Variants in SHISAL2A observed in about 807,000 individuals in gnomAD.
SHISAL2A encodes protein shisa-like-2A.
Under a neutral mutation model 11.5 loss-of-function variants are expected in SHISAL2A, and 18 were observed. That is an observed-to-expected ratio of 1.57 (90% CI 1.08 to 2.33). SHISAL2A has a LOEUF of 2.33. Ranked by LOEUF, SHISAL2A falls within the 30% of genes most tolerant of loss-of-function variation. The pLI is 0.00. For missense variants in SHISAL2A, 261 were observed against 250.9 expected (o/e 1.04, Z -0.27); for synonymous variants, 94 against 99.6 (o/e 0.94, Z 0.34).
In SHISAL2A at chr1:52,656,848, G is replaced by C. The variant is rs1405711016; in HGVS notation, c.381G>C (p.Val127=). Residue 127 remains valine, a synonymous_variant, in exon 3 of 3, where the codon GTG becomes GTC. Coordinates refer to ENST00000517870, the MANE Select transcript of SHISAL2A (RefSeq NM_001042693.3). ...TGAACACAGGCATGGCGGCAGAAGT[G>C]CCAAAAGTGAGCCCTCTCCAGCAGA... is the stretch of plus-strand genomic sequence containing the variant. The part of the protein sequence containing the change: ...QGVNTGMAAE[V]PKVSPLQQSY... 2 of 1,614,080 alleles carry C rather than the reference G, an allele frequency of 1.2e-6. No homozygotes were observed. The highest frequency in any genetic ancestry group is 1.1e-5 in the South Asian group (1 of 91,078).
In SHISAL2A at chr1:52,656,798, GA is replaced by G; in HGVS notation, c.332del (p.Glu111GlyfsTer9). ...AGTTTGCTGTTTTCCAGGCCCTGAG[GA>G]GGTTTCTCCTGACTGCCAAGGTGTG... is the stretch of plus-strand genomic sequence containing the variant. ...GLSLQTAGPEEVSPDCQGVNT... is the reference protein window; with the variant it reads ...GLSLQTAGPEXVSPDCQGVNT... On this transcript the variant is annotated frameshift_variant, in exon 3 of 3. Coordinates refer to ENST00000517870, the MANE Select transcript of SHISAL2A (RefSeq NM_001042693.3). LOFTEE classifies it low-confidence loss of function (END_TRUNC). 2 of 1,608,382 alleles carry G rather than the reference GA, an allele frequency of 1.2e-6. No homozygotes were observed. Among genetic ancestry groups the G allele is most frequent in the Non-Finnish European group, 1.7e-6 (2 of 1,176,256 alleles).
chr1:52,642,478 T>C (rs1571683089), intron 1 of SHISAL2A, among the ~76,000 whole-genome samples: 1 of 150,356 alleles, frequency 6.7e-6, no homozygotes, highest in Admixed American at 6.7e-5. Context: ...CAAGCTGGAG[T>C]GCAGTGGCAC....
intron 1 of SHISAL2A, among the ~76,000 whole-genome samples, chr1:52,635,669 A>G (rs1020413515): frequency 6.6e-6 from 1 of 151,996 alleles, no homozygotes; most frequent in Non-Finnish European, 1.5e-5. Flanking sequence ...ATTACAAATC[A>G]TGTGACCTCC....
intron 2 of SHISAL2A, among the ~76,000 whole-genome samples, chr1:52,650,111 C>T (rs1474198997): frequency 6.6e-6 from 1 of 152,206 alleles, no homozygotes; most frequent in Non-Finnish European, 1.5e-5. Flanking sequence ...CCACAGAAGG[C>T]TCAGTCATGT....
At chr1:52,638,383 C>T (rs559935846) in intron 1 of SHISAL2A, among the ~76,000 whole-genome samples, 13 of 144,950 alleles carry the variant, frequency 9.0e-5, no homozygotes, top group South Asian at 8.8e-4. Context: ...AACAGCCCTA[C>T]GAACAGTAAG....
At chr1:52,657,153 G>C, downstream of SHISAL2A, 1 of 1,395,434 alleles carries the variant, frequency 7.2e-7, no homozygotes. Flanking sequence ...TCCCAGCAAA[G>C]ATACCCAGCC....
chr1:52,659,909 T>TG (rs891817533), downstream of SHISAL2A, among the ~76,000 whole-genome samples: 3 of 152,132 alleles, frequency 2.0e-5, no homozygotes, highest in Non-Finnish European at 4.4e-5. Flanking sequence ...AAGGGGGAGA[T>TG]GCTGTGTGCA....
chr1:52,662,664 AAG>A (rs1440554334), intron 4 of SHISAL2A, among the ~76,000 whole-genome samples: 1 of 151,886 alleles, frequency 6.6e-6, no homozygotes, highest in African/African-American at 2.4e-5. Context: ...TTCTGTTTTA[AAG>A]AGAGTACCCC....
At chr1:52,662,350 T>C (rs1006230733) in intron 4 of SHISAL2A, among the ~76,000 whole-genome samples, 1 of 151,688 alleles carries the variant, frequency 6.6e-6, no homozygotes, top group Non-Finnish European at 1.5e-5. Flanking sequence ...TTTTATTTAT[T>C]TATTTATTTA....
chr1:52,643,768 G>A (rs1048535155), intron 2 of SHISAL2A, among the ~76,000 whole-genome samples: 2 of 152,062 alleles, frequency 1.3e-5, no homozygotes, highest in Non-Finnish European at 2.9e-5. Context: ...CAGGAGAATC[G>A]CTTGAACCTG....
At chr1:52,637,058 T>G (rs184027187) in intron 1 of SHISAL2A, among the ~76,000 whole-genome samples, 166 of 152,290 alleles carry the variant, frequency 1.1e-3, no homozygotes, top group African/African-American at 3.9e-3. Flanking sequence ...CCCTGGAAAC[T>G]CTGACGTGGC....
downstream of SHISAL2A, chr1:52,659,610 A>G (rs745496832): frequency 1.3e-5 from 2 of 152,646 alleles, no homozygotes; most frequent in East Asian, 1.9e-4. Context: ...CATTATGGTC[A>G]GAATACAGCT....
chr1:52,651,023 A>G (rs1390767188), intron 2 of SHISAL2A, among the ~76,000 whole-genome samples: 2 of 151,470 alleles, frequency 1.3e-5, no homozygotes, highest in South Asian at 2.1e-4. Context: ...AGTGAGTGGA[A>G]CCTCAGGTCA....
intron 2 of SHISAL2A, among the ~76,000 whole-genome samples, chr1:52,643,312 A>G (rs1216047824): frequency 6.6e-6 from 1 of 152,260 alleles, no homozygotes; most frequent in Non-Finnish European, 1.5e-5. Flanking sequence ...TGATTTTAAT[A>G]TTAACCCAAA....
chr1:52,637,474 A>G (rs1057425440), intron 1 of SHISAL2A, among the ~76,000 whole-genome samples: 5 of 152,194 alleles, frequency 3.3e-5, no homozygotes, highest in Non-Finnish European at 7.4e-5. Flanking sequence ...GAGAATTGCT[A>G]TCTTTAAAAT....
chr1:52,646,676 C>T (rs550099517), intron 2 of SHISAL2A, among the ~76,000 whole-genome samples: 2 of 152,298 alleles, frequency 1.3e-5, no homozygotes, highest in African/African-American at 2.4e-5. Flanking sequence ...TTGATTTACA[C>T]ATGTATCCTA....
intron 4 of SHISAL2A, among the ~76,000 whole-genome samples, chr1:52,662,953 G>A (rs1571704835): frequency 6.6e-6 from 1 of 152,236 alleles, no homozygotes; most frequent in South Asian, 2.1e-4. Flanking sequence ...GAGGGCTGCT[G>A]TCGTGCAGCC....
chr1:52,662,215 C>G (rs1443638344), intron 4 of SHISAL2A, among the ~76,000 whole-genome samples: 2 of 152,118 alleles, frequency 1.3e-5, no homozygotes, highest in African/African-American at 2.4e-5. Flanking sequence ...AGAAAAGAAA[C>G]AGTCTGGAAG....
chr1:52,657,038 T>C lies in SHISAL2A; in HGVS notation c.571T>C (p.Ter191GlnextTer?), dbSNP rs1384081406. 6.3e-7 allele frequency: 1 copy of C among 1,590,418 alleles called. No individual in the cohort carries two copies. The change falls in exon 3 of 3, where the codon TAA becomes CAA. Residue 191 changes from the stop codon to glutamine (Q), a stop_lost. Coordinates refer to ENST00000517870, the MANE Select transcript of SHISAL2A (RefSeq NM_001042693.3). The part of the protein sequence containing the change: ...PNPDLCGPVP[*>Q] ...CCCTGACCTATGTGGACCAGTCCCA[T>C]AAACATTCAATAAATGTCTCCATAC...
Sources: allele counts gnomAD v4.1 joint callset (sites outside exome capture counted in the v4.1 genomes callset), GRCh38; gene constraint gnomAD v4.1.1; transcripts MANE v1.5; gene names NCBI Gene and HGNC (gene_info 2026-07-23, HGNC 2026-07-21).